The following PDE8B variants were observed in gnomAD, a reference collection of about 807,000 sequenced individuals.
PDE8B encodes high affinity cAMP-specific and IBMX-insensitive 3',5'-cyclic phosphodiesterase 8B.
In PDE8B, 26 loss-of-function variants were observed where a neutral mutation model predicts 101.3. The observed-to-expected ratio is 0.26, with a 90% CI of 0.19 to 0.36. The LOEUF is 0.36. Among genes scored for constraint, PDE8B ranks in the 10% least tolerant of loss-of-function variants. The pLI is 1.00. For synonymous variants in PDE8B, 424 were observed against 429.3 expected (o/e 0.99, Z 0.15); for missense variants, 810 against 1,163.1 (o/e 0.70, Z 4.42).
intron 5 of PDE8B, among the ~76,000 whole-genome samples, chr5:77,334,077 G>A (rs923526728): frequency 6.6e-6 from 1 of 152,232 alleles, no homozygotes; most frequent in Non-Finnish European, 1.5e-5. Flanking sequence ...TCTTCATGTG[G>A]TGGTTCTCCT....
rs1470500039 is a variant in PDE8B, at chr5:77,426,659, A to G, written c.*105A>G. On this transcript the variant is annotated 3_prime_UTR_variant, in exon 22 of 22. Coordinates refer to ENST00000264917, the MANE Select transcript of PDE8B (RefSeq NM_003719.5). ...TAATGACAATGACAGGTATTGGTGA[A>G]GGAGCTAATGTTTAATATTTGACCT... The G allele has an allele frequency of 6.9e-6, 5 of 726,050 alleles. No individual in the cohort carries two copies. Among genetic ancestry groups the G allele is most frequent in the Middle Eastern group, 2.8e-4 (1 of 3,544 alleles). 45.0% of individuals were successfully genotyped at this position (726,050 alleles called of 1,614,324 possible).
chr5:77,204,363 A>T, the PDE8B span, among the ~76,000 whole-genome samples: 5 of 151,024 alleles, frequency 3.3e-5, no homozygotes, highest in Non-Finnish European at 7.4e-5. Context: ...GTGAGCCGAG[A>T]TCGCACCACT....
intron 17 of PDE8B, among the ~76,000 whole-genome samples, chr5:77,414,586 G>A (rs1021310403): frequency 6.2e-5 from 8 of 128,008 alleles, no homozygotes; most frequent in East Asian, 2.1e-4. Flanking sequence ...ATGCCCAGCC[G>A]ATTTTTTTTT....
chr5:77,291,743 T>C (rs1348236884), intron 1 of PDE8B: 1 of 1,587,144 alleles, frequency 6.3e-7, no homozygotes, highest in East Asian at 2.2e-5. Flanking sequence ...TGAGAAGGTC[T>C]ACTTGTACTA....
At chr5:77,290,287 A>G (rs1766991661) in intron 1 of PDE8B, 2 of 1,553,448 alleles carry the variant, frequency 1.3e-6, no homozygotes, top group Non-Finnish European at 1.8e-6. Context: ...CTCCTCATCA[A>G]TCAGCCCCAG....
chr5:77,386,365 T>C (rs1456307807), intron 10 of PDE8B, among the ~76,000 whole-genome samples: 1 of 152,148 alleles, frequency 6.6e-6, no homozygotes, highest in Non-Finnish European at 1.5e-5. Context: ...CTGTGTAATA[T>C]TGACAGTGGG....
the PDE8B span, chr5:77,180,311 C>G: frequency 2.5e-6 from 1 of 394,796 alleles, no homozygotes; most frequent in African/African-American, 2.2e-5. Context: ...GCCAGAGTCC[C>G]ACGGAGCAAC....
chr5:77,423,631 A>AGTTTTTTTTTT (rs1797203527), intron 20 of PDE8B, among the ~76,000 whole-genome samples: 2 of 26,618 alleles, frequency 7.5e-5, no homozygotes, highest in Non-Finnish European at 1.6e-4. Flanking sequence ...TGTTTTGTTT[A>AGTTTTTTTTTT]GTTTTTTTTT....
At chr5:77,360,528 C>A (rs896435195) in intron 10 of PDE8B, among the ~76,000 whole-genome samples, 1 of 152,208 alleles carries the variant, frequency 6.6e-6, no homozygotes, top group African/African-American at 2.4e-5. Flanking sequence ...ATGAAGGAAT[C>A]AGTTTCTGGC....
At chr5:77,287,959 AC>A (rs1400024952) in intron 1 of PDE8B, among the ~76,000 whole-genome samples, 1 of 152,014 alleles carries the variant, frequency 6.6e-6, no homozygotes, top group African/African-American at 2.4e-5. Flanking sequence ...CTTTTGGTCA[AC>A]CTTTTTTTCC....
intron 7 of PDE8B, among the ~76,000 whole-genome samples, chr5:77,346,105 A>G (rs180894555): frequency 6.6e-6 from 1 of 152,358 alleles, no homozygotes; most frequent in East Asian, 1.9e-4. Flanking sequence ...AGTAATAAGT[A>G]TCAGAACTAA....
chr5:77,117,958 G>A, the PDE8B span, among the ~76,000 whole-genome samples: 101 of 151,712 alleles, frequency 6.7e-4, no homozygotes, highest in African/African-American at 2.4e-3. Context: ...TTTTTGAGAC[G>A]GAGTTTCGCT....
At chr5:77,338,434 G>C (rs1351141323) in intron 6 of PDE8B, among the ~76,000 whole-genome samples, 2 of 152,088 alleles carry the variant, frequency 1.3e-5, no homozygotes, top group African/African-American at 4.8e-5. Context: ...AGGTAGAAAA[G>C]TATTAAAAAA....
the PDE8B span, among the ~76,000 whole-genome samples, chr5:77,107,376 A>G: frequency 9.9e-5 from 15 of 152,158 alleles, no homozygotes; most frequent in South Asian, 2.1e-4. Flanking sequence ...GTATCGTATG[A>G]CCTTGCTAAA....
the PDE8B span, among the ~76,000 whole-genome samples, chr5:77,098,927 T>C: frequency 6.6e-6 from 1 of 152,198 alleles, no homozygotes. Context: ...AATTAATCCA[T>C]TCAAGAAGAG....
chr5:77,390,380 A>G (rs988666228), intron 10 of PDE8B, among the ~76,000 whole-genome samples: 1 of 152,232 alleles, frequency 6.6e-6, no homozygotes, highest in Non-Finnish European at 1.5e-5. Context: ...GAGGAATCCC[A>G]GCTTCGAGCT....
intron 20 of PDE8B, among the ~76,000 whole-genome samples, chr5:77,424,331 T>C (rs527946429): frequency 2.3e-4 from 35 of 152,316 alleles, no homozygotes; most frequent in African/African-American, 7.5e-4. Flanking sequence ...GGTGTCCTTT[T>C]CCCAAAAAGC....
chr5:77,264,609 G>A (rs918198944), intron 1 of PDE8B, among the ~76,000 whole-genome samples: 1 of 152,012 alleles, frequency 6.6e-6, no homozygotes, highest in Admixed American at 6.5e-5. Flanking sequence ...GGTGATTTGG[G>A]GGCAGTGGAG....
At chr5:77,156,828 T>C in the PDE8B span, among the ~76,000 whole-genome samples, 3 of 152,068 alleles carry the variant, frequency 2.0e-5, no homozygotes, top group African/African-American at 7.2e-5. Flanking sequence ...GGATGGGGTG[T>C]AGAAACCCCT....
Sources: allele counts gnomAD v4.1 joint callset (sites outside exome capture counted in the v4.1 genomes callset), GRCh38; gene constraint gnomAD v4.1.1; transcripts MANE v1.5; gene names NCBI Gene and HGNC (gene_info 2026-07-23, HGNC 2026-07-21).